The following LIN52 variants were observed in gnomAD, a reference collection of about 807,000 sequenced individuals.
LIN52 encodes lin-52 DREAM MuvB core complex component.
In LIN52, 4 loss-of-function variants were observed where a neutral mutation model predicts 18.5. The ratio of observed to expected loss-of-function variants is 0.22; its 90% CI spans 0.11 to 0.49. LIN52 has a LOEUF of 0.49. Ranked by LOEUF, LIN52 falls within the 20% of genes least tolerant of loss-of-function variation. The probability of loss-of-function intolerance (pLI) is 0.97; values close to 1 mark genes in which losing one functional copy is unlikely to be tolerated. For synonymous variants in LIN52, 34 were observed against 45.5 expected (o/e 0.75, Z 1.02); for missense variants, 102 against 139.5 (o/e 0.73, Z 1.35).
At chr14:74,172,339 C>T (rs938981010) in intron 5 of LIN52, among the ~76,000 whole-genome samples, 5 of 152,098 alleles carry the variant, frequency 3.3e-5, no homozygotes, top group Non-Finnish European at 7.3e-5. Context: ...CATTTACTGG[C>T]GGTGTAATCT....
intron 5 of LIN52, among the ~76,000 whole-genome samples, chr14:74,129,295 C>T (rs146982631): frequency 2.6e-5 from 4 of 152,140 alleles, no homozygotes; most frequent in East Asian, 1.9e-4. Context: ...CTCAATGCCA[C>T]GATAGAAGAT....
intron 5 of LIN52, among the ~76,000 whole-genome samples, chr14:74,173,615 C>G (rs934862708): frequency 2.0e-5 from 3 of 152,084 alleles, no homozygotes; most frequent in Non-Finnish European, 4.4e-5. Context: ...TATTTTAAAT[C>G]TAATTGTATC....
chr14:74,161,700 G>A (rs114571716), intron 5 of LIN52, among the ~76,000 whole-genome samples: 1 of 152,138 alleles, frequency 6.6e-6, no homozygotes, highest in East Asian at 1.9e-4. Flanking sequence ...ACACTCTGCC[G>A]GTGCATTGCC....
intron 5 of LIN52, among the ~76,000 whole-genome samples, chr14:74,168,799 C>T (rs2061259871): frequency 1.3e-5 from 2 of 152,148 alleles, no homozygotes; most frequent in Admixed American, 1.3e-4. Flanking sequence ...TGTGGTGGCT[C>T]ACACCTGTAA....
At chr14:74,101,093 A>C (rs2060851068) in intron 4 of LIN52, 62 bp from the exon 5 acceptor site, 2 of 1,351,704 alleles carry the variant, frequency 1.5e-6, no homozygotes, top group Non-Finnish European at 2.1e-6. Flanking sequence ...TCCCAACCCA[A>C]GGAAGTTGCT....
intron 5 of LIN52, among the ~76,000 whole-genome samples, chr14:74,148,592 A>G (rs1028748651): frequency 1.3e-5 from 2 of 152,224 alleles, no homozygotes; most frequent in African/African-American, 4.8e-5. Context: ...CCTACATATC[A>G]ACAGTGGCAA....
chr14:74,124,939 A>G (rs2061020414), intron 5 of LIN52, among the ~76,000 whole-genome samples: 1 of 152,108 alleles, frequency 6.6e-6, no homozygotes, highest in Non-Finnish European at 1.5e-5. Flanking sequence ...AAAATTAAAA[A>G]CTTTTGTGTG....
chr14:74,152,229 C>T (rs2061179505), intron 5 of LIN52, among the ~76,000 whole-genome samples: 1 of 150,740 alleles, frequency 6.6e-6, no homozygotes, highest in African/African-American at 2.5e-5. Flanking sequence ...CACCATTGCA[C>T]TCCAGCCTGG....
chr14:74,116,087 G>A, intron 5 of LIN52, among the ~76,000 whole-genome samples: 1 of 152,174 alleles, frequency 6.6e-6, no homozygotes. Flanking sequence ...CAGATCACCT[G>A]AGATTGGGAG....
At chr14:74,113,059 G>A (rs1056077105) in intron 5 of LIN52, among the ~76,000 whole-genome samples, 5 of 152,162 alleles carry the variant, frequency 3.3e-5, no homozygotes, top group Non-Finnish European at 5.9e-5. Context: ...TTATAGACAA[G>A]GGAAATGAGT....
intron 5 of LIN52, among the ~76,000 whole-genome samples, chr14:74,183,389 G>T (rs748575971): frequency 6.6e-6 from 1 of 152,058 alleles, no homozygotes; most frequent in Non-Finnish European, 1.5e-5. Flanking sequence ...ATGAGCCACC[G>T]CACTCAGCCA....
chr14:74,144,005 A>G (rs1323296098), intron 5 of LIN52, among the ~76,000 whole-genome samples: 1 of 151,630 alleles, frequency 6.6e-6, no homozygotes, highest in Non-Finnish European at 1.5e-5. Flanking sequence ...TTTTTCTTAC[A>G]AGATTCCACA....
rs1279879195 is a variant in LIN52, at chr14:74,114,173, TTA to T, written c.283+12936_283+12937del. 5.4e-6 allele frequency: 5 copies of T among 929,584 alleles called. No homozygotes were observed. In the African/African-American group the frequency reaches 1.2e-4, roughly 23 times the overall value. The allele number at this position is 929,584 out of a possible 1,614,324, so 57.6% of individuals were successfully genotyped here. Reference sequence around the variant, plus strand: ...AAATGCTTTTTTAATATAACTGAGATTAGTGTGTGTGTGTGTGTGTGTGTGTG... The same window carrying T: ...AAATGCTTTTTTAATATAACTGAGATGTGTGTGTGTGTGTGTGTGTGTGTG... On this transcript the variant is annotated intron_variant, in intron 5 of 5. Coordinates refer to ENST00000555028, the MANE Select transcript of LIN52 (RefSeq NM_001024674.3).
intron 5 of LIN52, among the ~76,000 whole-genome samples, chr14:74,171,156 G>C (rs534567407): frequency 6.6e-6 from 1 of 152,156 alleles, no homozygotes; most frequent in Non-Finnish European, 1.5e-5. Flanking sequence ...GGCTGAGGTG[G>C]GTGGATCACT....
At chr14:74,091,096 A>G (rs752246613) in intron 1 of LIN52, 136 bp from the exon 2 acceptor site, 9 of 553,400 alleles carry the variant, frequency 1.6e-5, no homozygotes, top group Non-Finnish European at 6.6e-6. Context: ...ATCACGGACC[A>G]GTGGCATCAA....
rs568740758 is a variant in LIN52 at position 74,104,421 on chromosome 14, C to T, written c.283+3183C>T. Among the ~76,000 whole-genome samples the T allele has an allele frequency of 5.9e-5, 9 of 152,064 alleles. No individual in the cohort carries two copies. In the South Asian group the frequency reaches 8.3e-4, roughly 14 times the overall value. On this transcript the variant is annotated intron_variant, in intron 5 of 5. Transcript: ENST00000555028. ...TCTTTTTTAGCCTGTCATACTTCCA[C>T]CTGCATTTTATTTCCCCTTGTCATT... is the stretch of plus-strand genomic sequence containing the variant.
intron 2 of LIN52, among the ~76,000 whole-genome samples, chr14:74,094,435 T>G (rs981580672): frequency 1.3e-5 from 2 of 151,752 alleles, no homozygotes; most frequent in Non-Finnish European, 2.9e-5. Flanking sequence ...ATTTAAAAAA[T>G]TTTGGGGGGG....
chr14:74,111,282 T>C (rs1160269424), intron 5 of LIN52, among the ~76,000 whole-genome samples: 1 of 152,088 alleles, frequency 6.6e-6, no homozygotes, highest in Admixed American at 6.6e-5. Context: ...AGAGTATAAC[T>C]GTGATTCTTA....
intron 5 of LIN52, among the ~76,000 whole-genome samples, chr14:74,177,872 C>T (rs951463583): frequency 2.0e-5 from 3 of 151,912 alleles, no homozygotes; most frequent in African/African-American, 4.8e-5. Flanking sequence ...CCGCCACGTG[C>T]GCTCAAGCAA....
Sources: allele counts gnomAD v4.1 joint callset (sites outside exome capture counted in the v4.1 genomes callset), GRCh38; gene constraint gnomAD v4.1.1; transcripts MANE v1.5; gene names NCBI Gene and HGNC (gene_info 2026-07-23, HGNC 2026-07-21).